The following PRKN variants were observed in gnomAD, a reference collection of about 807,000 sequenced individuals.
PRKN encodes E3 ubiquitin-protein ligase parkin.
Under a neutral mutation model 59.5 loss-of-function variants are expected in PRKN, and 56 were observed. The ratio of observed to expected loss-of-function variants is 0.94; its 90% CI spans 0.76 to 1.18. The LOEUF (loss-of-function observed/expected upper bound fraction) is 1.18, where lower values mean the gene tolerates loss of function less well. Among genes scored for constraint, PRKN ranks in the 50% most tolerant of loss-of-function variants. The probability of loss-of-function intolerance (pLI) is 0.00; values close to 1 mark genes in which losing one functional copy is unlikely to be tolerated. For synonymous variants in PRKN, 250 were observed against 222.1 expected (o/e 1.13, Z -1.12); for missense variants, 657 against 596.4 (o/e 1.10, Z -1.06).
intron 7 of PRKN, among the ~76,000 whole-genome samples, chr6:161,725,472 G>A (rs998966676): frequency 1.3e-5 from 2 of 152,202 alleles, no homozygotes; most frequent in Non-Finnish European, 1.5e-5. Context: ...GTTCATGGAT[G>A]ATAGATGCAG....
At chr6:162,195,750 C>T (rs1357688428) in intron 4 of PRKN, among the ~76,000 whole-genome samples, 2 of 152,112 alleles carry the variant, frequency 1.3e-5, no homozygotes, top group Non-Finnish European at 2.9e-5. Flanking sequence ...GCTTCTGATT[C>T]ATTTTAAGAC....
rs76070999 is a variant in PRKN, at chr6:161,930,708, G to A, written c.734+42594C>T. Among the ~76,000 whole-genome samples, 963 of 152,310 alleles carry A rather than the reference G, an allele frequency of 6.3e-3. 9 individuals are homozygous for A. Among genetic ancestry groups the A allele is most frequent in the African/African-American group, 0.022 (919 of 41,562 alleles). On this transcript the variant is annotated intron_variant, in intron 6 of 11. Coordinates refer to ENST00000366898, the MANE Select transcript of PRKN (RefSeq NM_004562.3). ...CTTTACATGGCAAGGGGAAATCAAA[G>A]TTGTAGATAATAATCAGCTGATCTT... is the stretch of plus-strand genomic sequence containing the variant.
chr6:162,038,914 G>A (rs1783950609), intron 5 of PRKN, among the ~76,000 whole-genome samples: 1 of 152,136 alleles, frequency 6.6e-6, no homozygotes, highest in Non-Finnish European at 1.5e-5. Context: ...CAACACTTTG[G>A]GAGGCTGAGG....
At chr6:162,508,772 A>G (rs1659371149) in intron 1 of PRKN, among the ~76,000 whole-genome samples, 1 of 152,166 alleles carries the variant, frequency 6.6e-6, no homozygotes, top group Non-Finnish European at 1.5e-5. Flanking sequence ...AAGCTATATA[A>G]GCCCGGGAGG....
intron 4 of PRKN, among the ~76,000 whole-genome samples, chr6:162,115,043 C>A (rs1350846010): frequency 6.6e-6 from 1 of 151,838 alleles, no homozygotes; most frequent in Non-Finnish European, 1.5e-5. Context: ...GACACATGCA[C>A]ACGTATGTTT....
At chr6:161,975,148 C>G (rs530605565) in intron 5 of PRKN, among the ~76,000 whole-genome samples, 3 of 144,722 alleles carry the variant, frequency 2.1e-5, no homozygotes, top group Non-Finnish European at 3.0e-5. Flanking sequence ...TGCAGTGGCG[C>G]GATCTCAGCT....
intron 7 of PRKN, among the ~76,000 whole-genome samples, chr6:161,644,230 T>C (rs77410606): frequency 0.02 from 3,046 of 152,280 alleles, 92 homozygotes; most frequent in African/African-American, 0.07. Context: ...TGACCCAAAC[T>C]AACCAGACTG....
intron 4 of PRKN, among the ~76,000 whole-genome samples, chr6:162,057,828 T>C (rs1399689606): frequency 1.3e-5 from 2 of 152,242 alleles, no homozygotes; most frequent in Non-Finnish European, 2.9e-5. Context: ...CATTTGTTTC[T>C]ATTTTCTGGA....
intron 7 of PRKN, among the ~76,000 whole-genome samples, chr6:161,771,029 C>T (rs539023049): frequency 2.6e-5 from 4 of 152,126 alleles, no homozygotes; most frequent in African/African-American, 4.8e-5. Context: ...ACCCGGGCTG[C>T]GGTATTTTGT....
intron 7 of PRKN, among the ~76,000 whole-genome samples, chr6:161,688,264 C>T (rs1405921577): frequency 1.3e-5 from 2 of 152,318 alleles, no homozygotes; most frequent in Middle Eastern, 3.4e-3. Flanking sequence ...CCAGGACCAT[C>T]ATGGGAAAGT....
chr6:162,169,268 G>A (rs1294166191), intron 4 of PRKN, among the ~76,000 whole-genome samples: 2 of 152,152 alleles, frequency 1.3e-5, no homozygotes, highest in African/African-American at 2.4e-5. Context: ...TATTAGCTGA[G>A]GGACTTCAGG....
intron 7 of PRKN, among the ~76,000 whole-genome samples, chr6:161,652,540 A>G (rs1784187453): frequency 6.6e-6 from 1 of 152,238 alleles, no homozygotes; most frequent in Admixed American, 6.5e-5. Context: ...TTATCATTAC[A>G]TTCTTAAACT....
intron 5 of PRKN, among the ~76,000 whole-genome samples, chr6:162,041,421 T>C (rs1328761316): frequency 1.3e-5 from 2 of 152,198 alleles, no homozygotes; most frequent in African/African-American, 2.4e-5. Context: ...AAAGCACTAT[T>C]TGATGGAGAG....
intron 6 of PRKN, among the ~76,000 whole-genome samples, chr6:161,871,046 G>T (rs1794320841): frequency 6.6e-6 from 1 of 151,418 alleles, no homozygotes; most frequent in South Asian, 2.1e-4. Flanking sequence ...AGGAGGAGGA[G>T]GATGAGGAGA....
At chr6:161,873,630 A>G (rs1794436453) in intron 6 of PRKN, among the ~76,000 whole-genome samples, 1 of 151,852 alleles carries the variant, frequency 6.6e-6, no homozygotes, top group Non-Finnish European at 1.5e-5. Flanking sequence ...AAATTAAAAC[A>G]ACAACAACAA....
chr6:161,507,463 C>T (rs73782915), intron 9 of PRKN, among the ~76,000 whole-genome samples: 26,336 of 151,978 alleles, frequency 0.17, 2,950 homozygotes, highest in African/African-American at 0.32. Flanking sequence ...CCCAATTTAA[C>T]CCTCGAAGGT....
At chr6:161,815,312 T>C (rs1791728928) in intron 6 of PRKN, among the ~76,000 whole-genome samples, 1 of 152,230 alleles carries the variant, frequency 6.6e-6, no homozygotes, top group Non-Finnish European at 1.5e-5. Flanking sequence ...CAAAGAACTA[T>C]AACTTATCTA....
chr6:161,589,359 C>G (rs755819644), intron 7 of PRKN, among the ~76,000 whole-genome samples: 1 of 152,212 alleles, frequency 6.6e-6, no homozygotes, highest in Middle Eastern at 3.4e-3. Context: ...AGGATTTAGT[C>G]GGTGAAAAAT....
chr6:162,064,064 T>C (rs921733848), intron 4 of PRKN, among the ~76,000 whole-genome samples: 1 of 152,200 alleles, frequency 6.6e-6, no homozygotes, highest in Admixed American at 6.5e-5. Context: ...TCTCACATAG[T>C]GGCAGACTCA....
Sources: allele counts gnomAD v4.1 joint callset (sites outside exome capture counted in the v4.1 genomes callset), GRCh38; gene constraint gnomAD v4.1.1; transcripts MANE v1.5; gene names NCBI Gene and HGNC (gene_info 2026-07-23, HGNC 2026-07-21).